XIRP2: variants seen among roughly 807,000 people sequenced by gnomAD.
The protein encoded by XIRP2 is xin actin-binding repeat-containing protein 2.
XIRP2 carries 236 observed loss-of-function variants against 277.0 expected under a neutral mutation model. That is an observed-to-expected ratio of 0.85 (90% CI 0.77 to 0.95). The LOEUF (loss-of-function observed/expected upper bound fraction) is 0.95, where lower values mean the gene tolerates loss of function less well. Ranked by LOEUF, XIRP2 falls within the 40% of genes least tolerant of loss-of-function variation. The pLI is 0.00. For synonymous variants in XIRP2, 1,490 were observed against 1,416.5 expected, an observed-to-expected ratio of 1.05 and a Z score of -1.17; for missense variants, 4,640 against 4,157.5, an observed-to-expected ratio of 1.12 and a Z score of -3.19.
At chr2:167,208,223 T>C in intron 3 of XIRP2, among the ~76,000 whole-genome samples, 1 of 152,228 alleles carries the variant, frequency 6.6e-6, no homozygotes, top group East Asian at 1.9e-4. Context: ...AATTTAATTT[T>C]CCCCTTCCTC....
intron 1 of XIRP2, among the ~76,000 whole-genome samples, chr2:166,891,843 G>C (rs1198400723): frequency 6.6e-6 from 1 of 152,120 alleles, no homozygotes; most frequent in Non-Finnish European, 1.5e-5. Context: ...TTGTCAGAAG[G>C]TGCTAGTTTG....
At chr2:167,130,758 C>T (rs1691350450) in intron 2 of XIRP2, among the ~76,000 whole-genome samples, 1 of 152,014 alleles carries the variant, frequency 6.6e-6, no homozygotes, top group Non-Finnish European at 1.5e-5. Flanking sequence ...TACCTGGTCT[C>T]TCCCTGCCCT....
intron 2 of XIRP2, among the ~76,000 whole-genome samples, chr2:167,023,575 T>A (rs1688051391): frequency 1.3e-5 from 2 of 152,196 alleles, no homozygotes; most frequent in Non-Finnish European, 1.5e-5. Flanking sequence ...CTTCTAGGGT[T>A]TTTATGGTTT....
At position 167,005,685 on chromosome 2, in the gene XIRP2, A is replaced by G. The variant is rs1413666710; in HGVS notation, c.408+101795A>G. On this transcript the variant is annotated intron_variant, in intron 2 of 10. Transcript: ENST00000409195. ...GTTATCAATTTACCCAGAGGTTAGC[A>G]TGGAGCAGGATGATCTTAAATTATT... Among the ~76,000 whole-genome samples the G allele has an allele frequency of 5.9e-5, 9 of 151,914 alleles. No individual in the cohort carries two copies. The East Asian group carries it at 1.7e-3, about 29-fold the overall frequency.
intron 2 of XIRP2, among the ~76,000 whole-genome samples, chr2:166,937,689 C>G (rs1685560457): frequency 6.6e-6 from 1 of 152,102 alleles, no homozygotes; most frequent in Non-Finnish European, 1.5e-5. Context: ...CCTCCTTGTA[C>G]CTCTGGTAGA....
In XIRP2 at chr2:167,243,464, C is replaced by T. The variant is rs1316719849; in HGVS notation, c.2072C>T (p.Thr691Ile). ...SKDITGGDVK[T>I]VRYMFETQHL... ...GACATAACTGGGGGGGATGTCAAGA[C>T]TGTGAGATACATGTTTGAAACTCAA... Residue 691 changes from threonine (T) to isoleucine (I), a missense_variant, in exon 9 of 11, where the codon ACT becomes ATT. Coordinates refer to ENST00000409195, the MANE Select transcript of XIRP2 (RefSeq NM_152381.6). 1 of 1,614,044 alleles carries T rather than the reference C, an allele frequency of 6.2e-7. No homozygotes were observed. Among genetic ancestry groups the T allele is most frequent in the South Asian group, 1.1e-5 (1 of 91,078 alleles).
At chr2:167,079,903 G>A (rs893946278) in intron 2 of XIRP2, among the ~76,000 whole-genome samples, 1 of 150,338 alleles carries the variant, frequency 6.7e-6, no homozygotes, top group Non-Finnish European at 1.5e-5. Flanking sequence ...TCTTTTTTTG[G>A]TTTTCATTTT....
In XIRP2 at chr2:167,246,751, G is replaced by A. The variant is rs1255799468; in HGVS notation, c.5359G>A (p.Gly1787Ser). Residue 1787 changes from glycine (G) to serine (S), a missense_variant, in exon 9 of 11, where the codon GGT (glycine) becomes AGT (serine). Coordinates refer to ENST00000409195, the MANE Select transcript of XIRP2 (RefSeq NM_152381.6). ...AGAAATCATTGGTGGTGATGTTGAA[G>A]GTACAAAACTGTTACTGAAGAAAAG... ...EKEIIGGDVE[G>S]TKLLLKKRQS... 6.2e-6 allele frequency: 10 copies of A among 1,613,634 alleles called. No individual in the cohort carries two copies. In the South Asian group the frequency reaches 1.1e-4, roughly 18 times the overall value.
chr2:167,077,493 AT>A (rs1356273078), intron 2 of XIRP2, among the ~76,000 whole-genome samples: 31 of 152,316 alleles, frequency 2.0e-4, no homozygotes, highest in African/African-American at 7.0e-4. Context: ...GGGAGAATGA[AT>A]GAATAGAATT....
rs146696174 is a variant in XIRP2, at chr2:167,173,905, G to A, written c.563-36830G>A. On this transcript the variant is annotated intron_variant, in intron 3 of 10. Coordinates refer to ENST00000409195, the MANE Select transcript of XIRP2 (RefSeq NM_152381.6). ...TTTTTCATATGCCTGTTTGCCATTT[G>A]ATATGGTTTGGCTGTGTCAACCATA... Among the ~76,000 whole-genome samples the A allele has an allele frequency of 3.9e-3, 600 of 152,188 alleles. 6 individuals are homozygous for A. The highest frequency in any genetic ancestry group is 0.014 in the African/African-American group (574 of 41,534).
In XIRP2 at chr2:167,176,781, G is replaced by A. The variant is rs564501588; in HGVS notation, c.563-33954G>A. ...TTAGTTCACCAGAGGATTTACATTA[G>A]TGAGTGGAATTGGAATCATTGTTTA... On this transcript the variant is annotated intron_variant, in intron 3 of 10. Coordinates refer to ENST00000409195, the MANE Select transcript of XIRP2 (RefSeq NM_152381.6). Among the ~76,000 whole-genome samples, 3 of 152,302 alleles carry A rather than the reference G, an allele frequency of 2.0e-5. No homozygotes were observed. In the South Asian group the frequency reaches 6.2e-4, roughly 32 times the overall value.
chr2:167,247,598 C>G lies in XIRP2; in HGVS notation c.6206C>G (p.Thr2069Arg). 1 of 1,613,668 alleles carries G rather than the reference C, an allele frequency of 6.2e-7. No homozygotes were observed. Among genetic ancestry groups the G allele is most frequent in the Non-Finnish European group, 8.5e-7 (1 of 1,179,746 alleles). Residue 2069 changes from threonine (T) to arginine (R), a missense_variant, in exon 9 of 11, where the codon ACA (threonine) becomes AGA (arginine). Physicochemically the swap from Thr to Arg is moderately conservative, Grantham distance 71. Transcript: ENST00000409195. ...AAAACGGGTGTCTGGACTGATACTA[C>G]AGGAGAACAGCATCTTAGAGATGAA... ...GDKTGVWTDT[T>R]GEQHLRDEYM...
intron 2 of XIRP2, among the ~76,000 whole-genome samples, chr2:167,076,314 C>A (rs1482598020): frequency 6.6e-6 from 1 of 152,100 alleles, no homozygotes; most frequent in Non-Finnish European, 1.5e-5. Context: ...TCTTTTATTT[C>A]AATGCTAATA....
At position 167,229,257 on chromosome 2, in the gene XIRP2, C is replaced by T. The variant is rs113516180; in HGVS notation, c.859-10598C>T. On this transcript the variant is annotated intron_variant, in intron 5 of 10. Transcript: ENST00000409195. ...CTATTGCCCTTTCTATCTGAAGGCT[C>T]ATATTAGCTTAACAATATAAAAACA... 6.6e-5 allele frequency among the ~76,000 whole-genome samples: 10 copies of T among 152,144 alleles called. 1 individual carries two copies. The highest frequency in any genetic ancestry group is 2.4e-4 in the African/African-American group (10 of 41,518).
chr2:167,248,301 A>G lies in XIRP2; in HGVS notation c.6909A>G (p.Ser2303=), dbSNP rs758875311. The G allele has an allele frequency of 4.3e-6, 7 of 1,613,688 alleles. 1 individual carries two copies. Among genetic ancestry groups the G allele is most frequent in the South Asian group, 2.2e-5 (2 of 91,062 alleles). ...CTCCTCCACCACCTTCTAATGCATCATCTGAAATTGAATTTCCTCTTCCTC... is the reference window on the plus strand; with the variant it reads ...CTCCTCCACCACCTTCTAATGCATCGTCTGAAATTGAATTTCCTCTTCCTC... ...SPPPPPPSNA[S]SEIEFPLPPP... Residue 2303 remains serine (S), a synonymous_variant, in exon 9 of 11, where the codon TCA becomes TCG. Transcript: ENST00000409195.
At position 167,250,754 on chromosome 2, in the gene XIRP2, C is replaced by T; in HGVS notation, c.9362C>T (p.Pro3121Leu). Residue 3121 changes from proline (P) to leucine (L), a missense_variant, in exon 9 of 11, where the codon CCA (proline) becomes CTA (leucine). Physicochemically the swap from Pro to Leu is moderately conservative, Grantham distance 98. Coordinates refer to ENST00000409195, the MANE Select transcript of XIRP2 (RefSeq NM_152381.6). ...PPSLKTRPPS[P>L]TFITIESTAR... Reference sequence around the variant, plus strand: ...TCTTTAAAAACACGCCCACCGTCACCAACTTTTATCACAATAGAATCTACT... The same window carrying T: ...TCTTTAAAAACACGCCCACCGTCACTAACTTTTATCACAATAGAATCTACT... The T allele has an allele frequency of 6.2e-7, 1 of 1,613,540 alleles. No individual in the cohort carries two copies. Among genetic ancestry groups the T allele is most frequent in the South Asian group, 1.1e-5 (1 of 91,072 alleles).
chr2:167,050,106 A>T (rs1450923608), intron 2 of XIRP2, among the ~76,000 whole-genome samples: 1 of 152,078 alleles, frequency 6.6e-6, no homozygotes, highest in African/African-American at 2.4e-5. Flanking sequence ...GGAACAGTAT[A>T]CTATTCACTT....
chr2:166,934,855 A>AAT (rs1553471200), intron 2 of XIRP2, among the ~76,000 whole-genome samples: 13 of 149,350 alleles, frequency 8.7e-5, no homozygotes, highest in South Asian at 4.3e-4. Context: ...AAAAATAAAA[A>AAT]AAAAATTTTT....
intron 1 of XIRP2, among the ~76,000 whole-genome samples, chr2:166,892,131 A>C (rs2105325464): frequency 6.6e-6 from 1 of 152,300 alleles, no homozygotes; most frequent in East Asian, 1.9e-4. Context: ...AAAGATGAGA[A>C]ACCCACTAGA....
Sources: allele counts gnomAD v4.1 joint callset (sites outside exome capture counted in the v4.1 genomes callset), GRCh38; gene constraint gnomAD v4.1.1; transcripts MANE v1.5; gene names NCBI Gene and HGNC (gene_info 2026-07-23, HGNC 2026-07-21).